The following CDH4 variants were observed in gnomAD, a reference collection of about 807,000 sequenced individuals.
The protein encoded by CDH4 is cadherin-4.
A neutral mutation model predicts 86.0 loss-of-function variants in CDH4; 33 were observed. The observed-to-expected ratio is 0.38, with a 90% CI of 0.29 to 0.51. The LOEUF (loss-of-function observed/expected upper bound fraction) is 0.51. CDH4 is among the 20% of genes least tolerant of loss of function. CDH4 has a pLI of 0.86. For synonymous variants in CDH4, 555 were observed against 549.4 expected, an observed-to-expected ratio of 1.01 and a Z score of -0.14; for missense variants, 1,114 against 1,307.4, an observed-to-expected ratio of 0.85 and a Z score of 2.28.
At chr20:61,744,798 G>A (rs924804104) in intron 3 of CDH4, among the ~76,000 whole-genome samples, 6 of 152,186 alleles carry the variant, frequency 3.9e-5, no homozygotes, top group African/African-American at 1.4e-4. Context: ...AACAACCTGC[G>A]TTCATCCCCA....
Position 61,770,098 on chromosome 20 carries a change from G to A in CDH4, c.397-2905G>A, listed in dbSNP as rs190237008. Among the ~76,000 whole-genome samples, 39 of 152,274 alleles carry A rather than the reference G, an allele frequency of 2.6e-4. No homozygotes were observed. The East Asian group carries it at 7.1e-3, about 28-fold the overall frequency. On this transcript the variant is annotated intron_variant, in intron 3 of 15. Transcript: ENST00000614565. ...TGCTGGGTTCCGGGGAGAATGTGCA[G>A]CTAGGACTGTCCTGGAAGCTCTTTA...
chr20:61,856,117 A>G (rs556209097), intron 6 of CDH4, among the ~76,000 whole-genome samples: 40 of 152,290 alleles, frequency 2.6e-4, no homozygotes, highest in African/African-American at 9.4e-4. Context: ...TTCCATCAGT[A>G]AATTACAATA....
intron 2 of CDH4, among the ~76,000 whole-genome samples, chr20:61,696,426 TG>T (rs559055544): frequency 7.4e-4 from 112 of 152,256 alleles, no homozygotes; most frequent in African/African-American, 2.6e-3. Context: ...GGGGCGGGAA[TG>T]GATGTGAAAG....
chr20:61,313,009 G>A (rs11700290), intron 2 of CDH4, among the ~76,000 whole-genome samples: 2,658 of 152,226 alleles, frequency 0.017, 33 homozygotes, highest in Non-Finnish European at 0.021. Context: ...GTGGGGTTGC[G>A]GTGAGCCCTT....
At chr20:61,486,901 AAAT>A (rs1466708861) in intron 2 of CDH4, among the ~76,000 whole-genome samples, 2 of 152,076 alleles carry the variant, frequency 1.3e-5, no homozygotes, top group African/African-American at 2.4e-5. Context: ...AAAAATAATA[AAAT>A]AATAATGAGA....
At chr20:61,719,218 T>C in intron 2 of CDH4, 1 of 424,156 alleles carries the variant, frequency 2.4e-6, no homozygotes, top group Non-Finnish European at 4.9e-6. Context: ...TGGTAGTTTT[T>C]GTTCATTGCT....
At chr20:61,381,784 G>C (rs1430382472) in intron 2 of CDH4, among the ~76,000 whole-genome samples, 1 of 152,116 alleles carries the variant, frequency 6.6e-6, no homozygotes, top group African/African-American at 2.4e-5. Flanking sequence ...TATTTAAAAA[G>C]ATAACTGTTG....
intron 2 of CDH4, among the ~76,000 whole-genome samples, chr20:61,477,703 T>G (rs2145575564): frequency 6.6e-6 from 1 of 152,322 alleles, no homozygotes; most frequent in East Asian, 1.9e-4. Context: ...CAGCTTTCTC[T>G]CCTTCCAGCC....
In CDH4 at chr20:61,929,823, C is replaced by T; in HGVS notation, c.2220C>T (p.Ile740=). ...LGTGAIVAIL[I]CILILLTMVL... ...CCGGTGCCATCGTGGCCATCCTCAT[C>T]TGCATCCTCATCCTGCTGAGTGAGT... The change falls in exon 13 of 16, where the codon ATC becomes ATT. Residue 740 remains isoleucine, a synonymous_variant. Transcript: ENST00000614565. 1 of 1,613,872 alleles carries T rather than the reference C, an allele frequency of 6.2e-7. No homozygotes were observed. Among genetic ancestry groups the T allele is most frequent in the Non-Finnish European group, 8.5e-7 (1 of 1,179,886 alleles).
At chr20:61,928,138 G>T in intron 11 of CDH4, 52 bp from the exon 12 acceptor site, 4 of 1,361,854 alleles carry the variant, frequency 2.9e-6, no homozygotes, top group Non-Finnish European at 4.1e-6. Flanking sequence ...GCTGTGGGTT[G>T]GTCATGGAGT....
Position 61,859,213 on chromosome 20 carries a change from C to T in CDH4, c.877+6315C>T, listed in dbSNP as rs548266646. Among the ~76,000 whole-genome samples, 6 of 152,282 alleles carry T rather than the reference C, an allele frequency of 3.9e-5. No individual in the cohort carries two copies. The East Asian group carries it at 5.8e-4, about 15-fold the overall frequency. On this transcript the variant is annotated intron_variant, in intron 6 of 15. Coordinates refer to ENST00000614565, the MANE Select transcript of CDH4 (RefSeq NM_001794.5). Reference sequence around the variant, plus strand: ...CATCTGCGTGTCCTCTTCAAGGAAACGACTCTTCATGGCTTTCGTCCATTT... The same window carrying T: ...CATCTGCGTGTCCTCTTCAAGGAAATGACTCTTCATGGCTTTCGTCCATTT...
chr20:61,761,159 C>T (rs552759988), intron 3 of CDH4, among the ~76,000 whole-genome samples: 1 of 151,990 alleles, frequency 6.6e-6, no homozygotes, highest in Non-Finnish European at 1.5e-5. Context: ...TTTAGGGCAC[C>T]CCCTTTTTTA....
intron 3 of CDH4, among the ~76,000 whole-genome samples, chr20:61,749,175 A>G (rs34692315): frequency 0.06 from 9,106 of 152,336 alleles, 370 homozygotes; most frequent in South Asian, 0.16. Flanking sequence ...AAGAAGATAC[A>G]GGAATCCTAA....
chr20:61,656,482 GCAGGTGCATGCTGGGAAGGA>G (rs1200503351), intron 2 of CDH4, among the ~76,000 whole-genome samples: 2 of 152,154 alleles, frequency 1.3e-5, no homozygotes, highest in Non-Finnish European at 2.9e-5. Flanking sequence ...GTTGGGGTGG[GCAGGTGCATGCTGGGAAGGA>G]CAGGTGCATG....
intron 2 of CDH4, among the ~76,000 whole-genome samples, chr20:61,287,179 G>A (rs1385828883): frequency 6.6e-6 from 1 of 152,206 alleles, no homozygotes; most frequent in East Asian, 1.9e-4. Context: ...AGTGAGGGGA[G>A]CTTGTGTGTT....
chr20:61,896,994 A>G (rs1985157892), intron 8 of CDH4, among the ~76,000 whole-genome samples: 1 of 152,172 alleles, frequency 6.6e-6, no homozygotes, highest in Admixed American at 6.5e-5. Context: ...ATCCCTGTGA[A>G]GGAAGATGGA....
At position 61,645,707 on chromosome 20, in the gene CDH4, C is replaced by A. The variant is rs145700546; in HGVS notation, c.170-97856C>A. 4.6e-3 allele frequency among the ~76,000 whole-genome samples: 707 copies of A among 152,082 alleles called. 6 individuals carry two copies. Among genetic ancestry groups the A allele is most frequent in the Non-Finnish European group, 4.3e-3 (293 of 67,994 alleles). ...GGGAACCATGCGGAGAGCTGCACAC[C>A]CACTCTATTTCACCCCCCTTCAACC... On this transcript the variant is annotated intron_variant, in intron 2 of 15. Transcript: ENST00000614565.
intron 2 of CDH4, among the ~76,000 whole-genome samples, chr20:61,499,952 C>T (rs981864093): frequency 1.3e-5 from 2 of 152,154 alleles, no homozygotes; most frequent in African/African-American, 4.8e-5. Context: ...GCAAAGCACC[C>T]AGGAGGCACG....
At chr20:61,914,535 C>T (rs1463181326) in intron 9 of CDH4, among the ~76,000 whole-genome samples, 1 of 152,118 alleles carries the variant, frequency 6.6e-6, no homozygotes, top group East Asian at 1.9e-4. Context: ...CAACGGAGAT[C>T]GGTGCGGGCT....
Sources: gnomAD v4.1 joint callset for allele counts (sites outside exome capture counted in the v4.1 genomes callset) on GRCh38, gnomAD v4.1.1 for gene constraint, MANE v1.5 for transcripts, NCBI Gene and HGNC (gene_info 2026-07-23, HGNC 2026-07-21) for gene names.